SULT2B1: variants seen among roughly 807,000 people sequenced by gnomAD.
SULT2B1 encodes the protein sulfotransferase family 2B member 1.
SULT2B1 carries 16 observed loss-of-function variants against 33.2 expected under a neutral mutation model. The observed-to-expected ratio is 0.48, with a 90% CI of 0.33 to 0.73. The LOEUF is 0.73. Among genes scored for constraint, SULT2B1 ranks in the 30% least tolerant of loss-of-function variants. The pLI is 0.02. For synonymous variants in SULT2B1, 186 were observed against 200.5 expected (o/e 0.93, Z 0.61); for missense variants, 500 against 506.0 (o/e 0.99, Z 0.11).
chr19:48,576,107 G>A lies in SULT2B1; in HGVS notation c.214+24G>A, dbSNP rs16982151. On this transcript the variant is annotated intron_variant, in intron 2 of 6. Transcript: ENST00000201586. ...AGGTACCTGCCGGGCTGCGGGCGTC[G>A]GGGGCTGGGGAGAGTGGGGAGGGGG... The A allele has an allele frequency of 3.0e-3, 4,714 of 1,584,096 alleles. 107 individuals carry two copies. The Admixed American group carries it at 0.046, about 15-fold the overall frequency.
rs869189397 is a variant in SULT2B1 at position 48,558,679 on chromosome 19, C to CTTTTTT, written c.71+6373_71+6378dup. The stretch of plus-strand genomic sequence containing the variant: ...TGCTTTTTCTTTTTTCTTTTCTTTT[C>CTTTTTT]TTTTTTTTTTTTTTTTTTTTTTGAG... On this transcript the variant is annotated intron_variant, in intron 1 of 6. Transcript: ENST00000201586. Among the ~76,000 whole-genome samples, 117 of 106,134 alleles carry CTTTTTT rather than the reference C, an allele frequency of 1.1e-3. 1 individual carries two copies. Among genetic ancestry groups the CTTTTTT allele is most frequent in the African/African-American group, 1.7e-3 (41 of 24,060 alleles). The allele number at this position is 106,134 out of a possible 152,430, so 69.6% of individuals were successfully genotyped here.
intron 1 of SULT2B1, among the ~76,000 whole-genome samples, chr19:48,567,861 T>C (rs10416165): frequency 0.54 from 81,125 of 151,566 alleles, 22,318 homozygotes; most frequent in African/African-American, 0.65. Flanking sequence ...TCCCAGCTAC[T>C]CAGGAGGCTA....
At chr19:48,594,448 TAATGG>T (rs1421914861) in intron 5 of SULT2B1, among the ~76,000 whole-genome samples, 4 of 152,168 alleles carry the variant, frequency 2.6e-5, no homozygotes, top group Non-Finnish European at 4.4e-5. Context: ...AACTTTCTTT[TAATGG>T]AAAGCTCCAG....
At position 48,586,940 on chromosome 19, in the gene SULT2B1, G is replaced by A. The variant is rs151295962; in HGVS notation, c.215-289G>A. Reference sequence around the variant, plus strand: ...AGCCTGGCCAACATGGGGAGACCTCGTCTCTACTAAAAATACAAAATTAGC... The same window carrying A: ...AGCCTGGCCAACATGGGGAGACCTCATCTCTACTAAAAATACAAAATTAGC... On this transcript the variant is annotated intron_variant, in intron 2 of 6. Transcript: ENST00000201586. Among the ~76,000 whole-genome samples the A allele has an allele frequency of 6.0e-3, 916 of 151,972 alleles. 11 individuals are homozygous for A. Among genetic ancestry groups the A allele is most frequent in the African/African-American group, 0.021 (875 of 41,428 alleles).
At chr19:48,597,304 A>G (rs1973732210) in intron 6 of SULT2B1, among the ~76,000 whole-genome samples, 1 of 149,324 alleles carries the variant, frequency 6.7e-6, no homozygotes, top group South Asian at 2.1e-4. Flanking sequence ...TAACAAAAAC[A>G]CCGCAAACTC....
chr19:48,599,126 C>A lies in SULT2B1; in HGVS notation c.827-9C>A. On this transcript the variant is annotated splice_polypyrimidine_tract_variant and intron_variant, in intron 6 of 6. Coordinates refer to ENST00000201586, the MANE Select transcript of SULT2B1 (RefSeq NM_177973.2). This position sits in a 1 kb window ranked among gnomAD's most constrained non-coding sequence, Gnocchi z 4.1. ...GGCTCCTCACCCCCTGGTGCCCCCT[C>A]TTCTCCAGGGGTCTGCGGCGACTGG... 3.2e-6 allele frequency: 5 copies of A among 1,566,934 alleles called. No individual in the cohort carries two copies. Among genetic ancestry groups the A allele is most frequent in the Non-Finnish European group, 4.3e-6 (5 of 1,160,462 alleles).
rs550803516 is a variant in SULT2B1 at position 48,565,358 on chromosome 19, G to T, written c.72-10583G>T. Among the ~76,000 whole-genome samples the T allele has an allele frequency of 2.0e-5, 3 of 152,036 alleles. No homozygotes were observed. The East Asian group carries it at 5.8e-4, about 29-fold the overall frequency. On this transcript the variant is annotated intron_variant, in intron 1 of 6. Transcript: ENST00000201586. ...GGGGTGTGTGTGTGTGTGTTTGTGT[G>T]TATGTGTGAGAGAGAGAGACAGAGA...
intron 2 of SULT2B1, among the ~76,000 whole-genome samples, chr19:48,581,723 C>T (rs1973490914): frequency 6.6e-6 from 1 of 151,698 alleles, no homozygotes. Context: ...TCCCAAAGTG[C>T]TGGGATTACA....
intron 2 of SULT2B1, among the ~76,000 whole-genome samples, chr19:48,582,579 G>A (rs1401280057): frequency 1.3e-5 from 2 of 152,144 alleles, no homozygotes; most frequent in Admixed American, 6.6e-5. Context: ...CCGGGGGTGT[G>A]GTTAACACCT....
chr19:48,566,366 G>A (rs116708639), intron 1 of SULT2B1, among the ~76,000 whole-genome samples: 18,124 of 152,030 alleles, frequency 0.12, 1,186 homozygotes, highest in Non-Finnish European at 0.14. Context: ...TCACAGGCAC[G>A]AGCCACCGCA....
chr19:48,555,441 A>C (rs1973085474), intron 1 of SULT2B1, among the ~76,000 whole-genome samples: 1 of 151,906 alleles, frequency 6.6e-6, no homozygotes, highest in Non-Finnish European at 1.5e-5. Context: ...TCCCTGCCAC[A>C]GTGCCTTTGC....
In SULT2B1 at chr19:48,599,010, G is replaced by C. The variant is rs1973760936; in HGVS notation, c.827-125G>C. The C allele has an allele frequency of 6.2e-6, 9 of 1,456,776 alleles. No individual in the cohort carries two copies. The highest frequency in any genetic ancestry group is 7.2e-6 in the Non-Finnish European group (8 of 1,103,532). The allele number at this position is 1,456,776 out of a possible 1,614,324, so 90.2% of individuals were successfully genotyped here. A position where few individuals can be genotyped will look rare whatever the true frequency, so the allele number is the denominator to read the frequency against. On this transcript the variant is annotated intron_variant, in intron 6 of 6. Coordinates refer to ENST00000201586, the MANE Select transcript of SULT2B1 (RefSeq NM_177973.2). This position sits in a 1 kb window ranked among gnomAD's most constrained non-coding sequence, Gnocchi z 4.1. ...GGCAATGTGGAGGGTAGGGAGGACG[G>C]TGTTTCTGGCAAAGGGAACACCTCG...
chr19:48,553,942 AC>A (rs1973059532), intron 1 of SULT2B1, among the ~76,000 whole-genome samples: 1 of 151,606 alleles, frequency 6.6e-6, no homozygotes, highest in Non-Finnish European at 1.5e-5. Context: ...GGAAGGCCTC[AC>A]CCCCACCCCA....
rs541327639 is a variant in SULT2B1, at chr19:48,552,618, T to C, written c.71+295T>C. 9.9e-5 allele frequency among the ~76,000 whole-genome samples: 15 copies of C among 152,276 alleles called. 1 individual carries two copies. The South Asian group carries it at 3.1e-3, about 32-fold the overall frequency. On this transcript the variant is annotated intron_variant, in intron 1 of 6. Coordinates refer to ENST00000201586, the MANE Select transcript of SULT2B1 (RefSeq NM_177973.2). This position sits in a 1 kb window ranked among gnomAD's most constrained non-coding sequence, Gnocchi z 4.8. ...CAAAGGGGCCCACAAGCCCTGTGTC[T>C]CCCTGATAGAGCAGTGGAAGAGAGC...
intron 2 of SULT2B1, among the ~76,000 whole-genome samples, chr19:48,580,565 G>A (rs762439100): frequency 1.1e-4 from 16 of 150,028 alleles, no homozygotes; most frequent in Non-Finnish European, 1.9e-4. Context: ...AGCCCGAAGT[G>A]GCTTTATCTT....
intron 5 of SULT2B1, among the ~76,000 whole-genome samples, chr19:48,595,090 C>A (rs1445475675): frequency 6.6e-6 from 1 of 151,874 alleles, no homozygotes; most frequent in African/African-American, 2.4e-5. Context: ...CGAGACTACC[C>A]TGACCAACAT....
intron 5 of SULT2B1, among the ~76,000 whole-genome samples, chr19:48,593,782 G>A (rs1973675142): frequency 6.7e-6 from 1 of 149,702 alleles, no homozygotes; most frequent in Non-Finnish European, 1.5e-5. Context: ...TTACAGGCAT[G>A]CGCCACCACG....
chr19:48,574,207 G>C (rs1264923475), intron 1 of SULT2B1, among the ~76,000 whole-genome samples: 4 of 152,192 alleles, frequency 2.6e-5, no homozygotes, highest in Non-Finnish European at 5.9e-5. Flanking sequence ...GCTGAGAACT[G>C]CTACAGCAGC....
intron 2 of SULT2B1, among the ~76,000 whole-genome samples, chr19:48,582,908 T>C (rs1197713781): frequency 6.7e-6 from 1 of 150,274 alleles, no homozygotes. Flanking sequence ...ATCCCAGCAC[T>C]TTGGGAGGCC....
Sources: gnomAD v4.1 joint callset for allele counts (sites outside exome capture counted in the v4.1 genomes callset) on GRCh38, gnomAD v4.1.1 for gene constraint, Gnocchi (gnomAD v3.1) non-coding constraint, MANE v1.5 for transcripts, NCBI Gene and HGNC (gene_info 2026-07-23, HGNC 2026-07-21) for gene names.